Variants in ARHGAP15 observed in about 807,000 individuals in gnomAD.
ARHGAP15 encodes the protein rho GTPase-activating protein 15.
ARHGAP15 carries 51 observed loss-of-function variants against 63.7 expected under a neutral mutation model. That is an observed-to-expected ratio of 0.80 (90% confidence interval 0.64 to 1.01). The LOEUF (loss-of-function observed/expected upper bound fraction) is 1.01. Among genes scored for constraint, ARHGAP15 ranks in the 50% least tolerant of loss-of-function variants. The probability of loss-of-function intolerance (pLI) is 0.00; values close to 1 mark genes in which losing one functional copy is unlikely to be tolerated. For missense variants in ARHGAP15, 560 were observed against 564.6 expected, an observed-to-expected ratio of 0.99 and a Z score of 0.08; for synonymous variants, 191 against 193.8, an observed-to-expected ratio of 0.99 and a Z score of 0.12.
chr2:143,686,557 TTG>T (rs1473996054), intron 12 of ARHGAP15, among the ~76,000 whole-genome samples: 3 of 152,168 alleles, frequency 2.0e-5, no homozygotes, highest in Non-Finnish European at 4.4e-5. Flanking sequence ...GAGATTAGTA[TTG>T]TCTTTTTATA....
chr2:143,446,870 T>C (rs1690167918), intron 8 of ARHGAP15, among the ~76,000 whole-genome samples: 1 of 148,984 alleles, frequency 6.7e-6, no homozygotes, highest in South Asian at 2.1e-4. Context: ...TGAGTGAGAA[T>C]ATGCAGTGTT....
chr2:143,635,844 A>T (rs946464761), intron 12 of ARHGAP15, among the ~76,000 whole-genome samples: 2 of 152,106 alleles, frequency 1.3e-5, no homozygotes, highest in African/African-American at 2.4e-5. Context: ...ATATATATAT[A>T]TTTTAATCTA....
chr2:143,495,445 A>G (rs1692773310), intron 9 of ARHGAP15, among the ~76,000 whole-genome samples: 1 of 151,362 alleles, frequency 6.6e-6, no homozygotes, highest in African/African-American at 2.4e-5. Flanking sequence ...TTATACATAA[A>G]TGGGCATGAG....
chr2:143,507,233 T>C (rs932078554), intron 9 of ARHGAP15, among the ~76,000 whole-genome samples: 7 of 152,146 alleles, frequency 4.6e-5, no homozygotes, highest in African/African-American at 1.7e-4. Context: ...CTTCTCTTTA[T>C]CCAAAAGCTG....
intron 6 of ARHGAP15, among the ~76,000 whole-genome samples, chr2:143,304,886 A>G (rs2105166421): frequency 6.6e-6 from 1 of 152,126 alleles, no homozygotes; most frequent in Admixed American, 6.5e-5. Context: ...TGGGAGTGTA[A>G]ATTAGTTCAA....
chr2:143,546,351 CTT>C (rs2105062424), intron 10 of ARHGAP15, among the ~76,000 whole-genome samples: 1 of 152,218 alleles, frequency 6.6e-6, no homozygotes, highest in Admixed American at 6.5e-5. Context: ...TTATATAACT[CTT>C]ATGACTTCAT....
At chr2:143,298,002 G>A (rs914247260) in intron 6 of ARHGAP15, among the ~76,000 whole-genome samples, 1 of 151,860 alleles carries the variant, frequency 6.6e-6, no homozygotes, top group African/African-American at 2.4e-5. Context: ...ATGTCATTTT[G>A]TAGACTTATC....
intron 11 of ARHGAP15, among the ~76,000 whole-genome samples, chr2:143,558,235 A>G (rs1301934922): frequency 2.0e-5 from 3 of 152,054 alleles, no homozygotes; most frequent in African/African-American, 7.2e-5. Context: ...TGTGTTTTTT[A>G]ATGTCTTTGC....
chr2:143,622,781 TAAAAAAA>T (rs34925907), intron 11 of ARHGAP15, among the ~76,000 whole-genome samples: 5 of 109,040 alleles, frequency 4.6e-5, no homozygotes, highest in East Asian at 5.3e-4. Flanking sequence ...TTCATTTATT[TAAAAAAA>T]AAAAAAAAAA....
chr2:143,614,516 C>T (rs2105223963), intron 11 of ARHGAP15, among the ~76,000 whole-genome samples: 1 of 152,084 alleles, frequency 6.6e-6, no homozygotes. Context: ...AAAAATAATG[C>T]TGTGTGTGTA....
chr2:143,745,615 A>T (rs1686134286), intron 13 of ARHGAP15, among the ~76,000 whole-genome samples: 1 of 152,222 alleles, frequency 6.6e-6, no homozygotes, highest in African/African-American at 2.4e-5. Flanking sequence ...ATGTATATTT[A>T]AAATATTCAT....
intron 2 of ARHGAP15, among the ~76,000 whole-genome samples, chr2:143,172,985 G>A (rs190212009): frequency 1.3e-5 from 2 of 152,188 alleles, no homozygotes. Flanking sequence ...TTAAAAGACT[G>A]ATTGGAAAAG....
intron 6 of ARHGAP15, among the ~76,000 whole-genome samples, chr2:143,312,278 G>A (rs181432555): frequency 3.7e-4 from 57 of 152,228 alleles, no homozygotes; most frequent in African/African-American, 1.3e-3. Context: ...TTTTCTCCAC[G>A]TCTTTCGGCA....
chr2:143,361,733 A>G (rs900241146), intron 6 of ARHGAP15, among the ~76,000 whole-genome samples: 5 of 152,162 alleles, frequency 3.3e-5, no homozygotes, highest in Admixed American at 6.5e-5. Flanking sequence ...CTCATCATCT[A>G]TTAATTGAAT....
intron 12 of ARHGAP15, among the ~76,000 whole-genome samples, chr2:143,684,776 A>T (rs1430182339): frequency 6.6e-6 from 1 of 152,188 alleles, no homozygotes. Flanking sequence ...TGAAAGCAGT[A>T]GGGGTTGAGG....
At chr2:143,514,566 ATATT>A in intron 9 of ARHGAP15, among the ~76,000 whole-genome samples, 1 of 152,306 alleles carries the variant, frequency 6.6e-6, no homozygotes, top group South Asian at 2.1e-4. Flanking sequence ...AGCTTAGATC[ATATT>A]TCACCAAAAA....
At chr2:143,406,352 G>T (rs1688197557) in intron 6 of ARHGAP15, among the ~76,000 whole-genome samples, 1 of 151,840 alleles carries the variant, frequency 6.6e-6, no homozygotes, top group South Asian at 2.1e-4. Flanking sequence ...ATTCTTTTCA[G>T]CTATACTATT....
chr2:143,727,575 TATGG>T (rs1685337819), intron 13 of ARHGAP15, among the ~76,000 whole-genome samples: 1 of 152,190 alleles, frequency 6.6e-6, no homozygotes, highest in Non-Finnish European at 1.5e-5. Context: ...GTTAATAACT[TATGG>T]ATGGCTACAT....
chr2:143,352,664 T>C (rs1210276033), intron 6 of ARHGAP15, among the ~76,000 whole-genome samples: 1 of 152,236 alleles, frequency 6.6e-6, no homozygotes, highest in Non-Finnish European at 1.5e-5. Context: ...TAACTCAGAA[T>C]TTAAAATATT....
Sources: allele counts gnomAD v4.1 joint callset (sites outside exome capture counted in the v4.1 genomes callset), GRCh38; gene constraint gnomAD v4.1.1; transcripts MANE v1.5; gene names NCBI Gene and HGNC (gene_info 2026-07-23, HGNC 2026-07-21).